ZSWIM7: variants seen among roughly 807,000 people sequenced by gnomAD.
The protein encoded by ZSWIM7 is zinc finger SWIM domain-containing protein 7.
ZSWIM7 carries 22 observed loss-of-function variants against 21.1 expected under a neutral mutation model. The ratio of observed to expected loss-of-function variants is 1.04; its 90% CI spans 0.74 to 1.49. ZSWIM7 has a LOEUF of 1.49. Ranked by LOEUF, ZSWIM7 falls within the 40% of genes most tolerant of loss-of-function variation. ZSWIM7 has a pLI of 0.00. For synonymous variants in ZSWIM7, 67 were observed against 66.5 expected (o/e 1.01, Z -0.04); for missense variants, 193 against 168.0 (o/e 1.15, Z -0.82).
chr17:15,981,826 G>A (rs1412695411), intron 3 of ZSWIM7, among the ~76,000 whole-genome samples: 2 of 152,198 alleles, frequency 1.3e-5, no homozygotes, highest in Non-Finnish European at 2.9e-5. Flanking sequence ...TGAGAAGGGA[G>A]GACTGCTTGA....
intron 4 of ZSWIM7, among the ~76,000 whole-genome samples, chr17:15,979,819 A>G (rs866879016): frequency 1.1e-5 from 1 of 94,608 alleles, no homozygotes. Flanking sequence ...TCCCTCCCGG[A>G]CGGGGGGCTG....
At chr17:15,997,565 C>T (rs983158038) in intron 1 of ZSWIM7, among the ~76,000 whole-genome samples, 1 of 152,150 alleles carries the variant, frequency 6.6e-6, no homozygotes, top group African/African-American at 2.4e-5. Context: ...TATATATCAT[C>T]ATACAAATAA....
intron 3 of ZSWIM7, among the ~76,000 whole-genome samples, chr17:15,984,318 A>C (rs1272413496): frequency 6.6e-6 from 1 of 152,254 alleles, no homozygotes; most frequent in Non-Finnish European, 1.5e-5. Context: ...GGATAACATA[A>C]TTCAATTCCT....
chr17:15,999,675 A>T lies in ZSWIM7; in HGVS notation c.-81T>A. The T allele has an allele frequency of 6.4e-7, 1 of 1,555,228 alleles. No homozygotes were observed. The highest frequency in any genetic ancestry group is 8.7e-7 in the Non-Finnish European group (1 of 1,151,004). The stretch of plus-strand genomic sequence containing the variant: ...CTGCGCCTACCTGTGGAGGATCCTG[A>T]CCCCCCGCCGGGGCAGGGCGAGACG... On this transcript the variant is annotated 5_prime_UTR_variant, in exon 1 of 5. Transcript: ENST00000399277.
intron 4 of ZSWIM7, 74 bp from the exon 5 acceptor site, chr17:15,978,237 T>A: frequency 9.6e-7 from 1 of 1,039,416 alleles, no homozygotes. Flanking sequence ...AGATTTCTCA[T>A]TACCATCTTA....
intron 4 of ZSWIM7, among the ~76,000 whole-genome samples, chr17:15,979,709 G>A (rs1399363406): frequency 7.0e-6 from 1 of 143,340 alleles, no homozygotes; most frequent in African/African-American, 2.7e-5. Context: ...GGCTGGCCGG[G>A]CAGAGGGGCT....
Position 15,977,996 on chromosome 17 carries a change from C to T in ZSWIM7, c.*51G>A. The T allele has an allele frequency of 7.2e-7, 1 of 1,389,810 alleles. No homozygotes were observed. The highest frequency in any genetic ancestry group is 2.3e-5 in the East Asian group (1 of 43,512). The allele number at this position is 1,389,810 out of a possible 1,614,324, so 86.1% of individuals were successfully genotyped here. ...CATGTGAATCATGACGCTTTCAATG[C>T]ATTTCTTGACAGGATTCTATTTTGA... On this transcript the variant is annotated 3_prime_UTR_variant, in exon 5 of 5. Transcript: ENST00000399277.
At chr17:15,987,073 T>C (rs1035580108) in intron 3 of ZSWIM7, among the ~76,000 whole-genome samples, 193 bp downstream of exon 3, 3 of 152,208 alleles carry the variant, frequency 2.0e-5, no homozygotes, top group South Asian at 2.1e-4. Flanking sequence ...ACCATGAATA[T>C]AGACAGTTTC....
In ZSWIM7 at chr17:15,992,440, T is replaced by A. The variant is rs900461296; in HGVS notation, c.98+1317A>T. Among the ~76,000 whole-genome samples, 8 of 23,494 alleles carry A rather than the reference T, an allele frequency of 3.4e-4. 1 individual carries two copies. The highest frequency in any genetic ancestry group is 2.4e-3 in the Admixed American group (7 of 2,916). The allele number at this position is 23,494 out of a possible 152,430, so 15.4% of individuals were successfully genotyped here. On this transcript the variant is annotated intron_variant, in intron 2 of 4. Coordinates refer to ENST00000399277, the MANE Select transcript of ZSWIM7 (RefSeq NM_001042697.2). ...TCATGTGTTAGTTGAACAGCTACGC[T>A]TTTTTTTTTTTTTTTTGAGATAGAG...
At chr17:15,983,562 A>C (rs1398523715) in intron 3 of ZSWIM7, among the ~76,000 whole-genome samples, 1 of 151,894 alleles carries the variant, frequency 6.6e-6, no homozygotes, top group African/African-American at 2.4e-5. Context: ...CCTAAAGAAA[A>C]AACCCACAAC....
At chr17:15,978,867 T>A (rs1055034527) in intron 4 of ZSWIM7, among the ~76,000 whole-genome samples, 1 of 151,978 alleles carries the variant, frequency 6.6e-6, no homozygotes, top group Non-Finnish European at 1.5e-5. Context: ...TCTCATAGAT[T>A]ATCTCACTGA....
chr17:15,996,103 G>A (rs1332709706), intron 1 of ZSWIM7, among the ~76,000 whole-genome samples: 3 of 152,112 alleles, frequency 2.0e-5, no homozygotes, highest in Non-Finnish European at 4.4e-5. Flanking sequence ...AGCCGGGCGC[G>A]ATGGTCAGCC....
intron 3 of ZSWIM7, among the ~76,000 whole-genome samples, chr17:15,985,151 A>C (rs1970394457): frequency 6.6e-6 from 1 of 152,156 alleles, no homozygotes; most frequent in African/African-American, 2.4e-5. Context: ...TAAAAATACA[A>C]AAACTAGCCA....
intron 2 of ZSWIM7, among the ~76,000 whole-genome samples, chr17:15,989,321 A>ATT (rs1041607610): frequency 2.1e-5 from 3 of 145,996 alleles, no homozygotes; most frequent in Admixed American, 6.9e-5. Context: ...TAAAAGTTTA[A>ATT]TTTTTTTTTT....
chr17:15,981,857 AGT>A (rs1970359951), intron 3 of ZSWIM7, among the ~76,000 whole-genome samples: 1 of 152,216 alleles, frequency 6.6e-6, no homozygotes, highest in African/African-American at 2.4e-5. Context: ...TCAAGGCTGC[AGT>A]GAGCTGTGAC....
intron 4 of ZSWIM7, among the ~76,000 whole-genome samples, chr17:15,978,861 A>ATAGAT (rs1970310236): frequency 6.6e-6 from 1 of 151,980 alleles, no homozygotes; most frequent in African/African-American, 2.4e-5. Flanking sequence ...AGTGCTTCTC[A>ATAGAT]TAGATTATCT....
chr17:15,997,921 T>G (rs1223009867), intron 1 of ZSWIM7, among the ~76,000 whole-genome samples: 1 of 152,074 alleles, frequency 6.6e-6, no homozygotes, highest in Non-Finnish European at 1.5e-5. Context: ...GCCAATATGG[T>G]GAAACCCCGT....
chr17:15,983,458 C>T (rs530651042), intron 3 of ZSWIM7, among the ~76,000 whole-genome samples: 17 of 151,452 alleles, frequency 1.1e-4, no homozygotes, highest in Non-Finnish European at 2.1e-4. Flanking sequence ...AACATATCAC[C>T]GAGACCATTC....
chr17:15,980,161 C>CAA (rs1567789110), intron 4 of ZSWIM7: 1 of 151,000 alleles, frequency 6.6e-6, no homozygotes, highest in African/African-American at 2.5e-5. Flanking sequence ...CTAGGCTACT[C>CAA]TCTTAACTAC....
Sources: gnomAD v4.1 joint callset for allele counts (sites outside exome capture counted in the v4.1 genomes callset) on GRCh38, gnomAD v4.1.1 for gene constraint, MANE v1.5 for transcripts, NCBI Gene and HGNC (gene_info 2026-07-23, HGNC 2026-07-21) for gene names.